CALN1: variants seen among roughly 807,000 people sequenced by gnomAD.
CALN1 encodes calcium-binding protein 8.
A neutral mutation model predicts 30.6 loss-of-function variants in CALN1; 17 were observed. The observed-to-expected ratio is 0.56, with a 90% confidence interval of 0.38 to 0.83. CALN1 has a LOEUF of 0.83. CALN1 is among the 40% of genes least tolerant of loss of function. The probability of loss-of-function intolerance (pLI) is 0.00; values close to 1 mark genes in which losing one functional copy is unlikely to be tolerated. For synonymous variants in CALN1, 156 were observed against 131.4 expected (o/e 1.19, Z -1.28); for missense variants, 291 against 354.9 (o/e 0.82, Z 1.45).
intron 2 of CALN1, chr7:72,336,566 C>T (rs1446443824): frequency 2.6e-5 from 12 of 468,148 alleles, no homozygotes; most frequent in Admixed American, 6.4e-5. Flanking sequence ...GCGCTGTCTG[C>T]CAACCATCTG....
At chr7:72,121,764 AATG>A (rs1808408088) in intron 3 of CALN1, among the ~76,000 whole-genome samples, 1 of 148,498 alleles carries the variant, frequency 6.7e-6, no homozygotes, top group East Asian at 1.9e-4. Flanking sequence ...GTTTTATCAT[AATG>A]ATTATTATAA....
chr7:72,104,004 C>G (rs1460697918), intron 4 of CALN1: 1 of 152,496 alleles, frequency 6.6e-6, no homozygotes, highest in Non-Finnish European at 1.5e-5. Context: ...CCTTAGAATC[C>G]CCTTCCATCA....
intron 4 of CALN1, among the ~76,000 whole-genome samples, chr7:72,062,132 A>C (rs1326344220): frequency 1.3e-5 from 2 of 152,206 alleles, no homozygotes; most frequent in Non-Finnish European, 2.9e-5. Flanking sequence ...CAAAATGAAG[A>C]CATTTTCCAA....
chr7:71,808,800 G>A (rs1457748915), intron 6 of CALN1, among the ~76,000 whole-genome samples: 1 of 152,148 alleles, frequency 6.6e-6, no homozygotes, highest in Non-Finnish European at 1.5e-5. Flanking sequence ...TGAGCCCCAT[G>A]TGCTTTCATT....
intron 3 of CALN1, among the ~76,000 whole-genome samples, chr7:72,173,655 G>C (rs571839369): frequency 6.6e-6 from 1 of 152,214 alleles, no homozygotes; most frequent in African/African-American, 2.4e-5. Context: ...TTTTACAAAG[G>C]TGCTAAGGTA....
chr7:72,258,912 AAAG>A, intron 3 of CALN1, among the ~76,000 whole-genome samples: 1 of 68,326 alleles, frequency 1.5e-5, no homozygotes, highest in Non-Finnish European at 4.7e-5. Flanking sequence ...AAAAAAAAAG[AAAG>A]AAAGAAAGAA....
chr7:72,382,514 G>A (rs1804963747), intron 2 of CALN1, among the ~76,000 whole-genome samples: 1 of 152,142 alleles, frequency 6.6e-6, no homozygotes, highest in Non-Finnish European at 1.5e-5. Flanking sequence ...GGTTACATGG[G>A]TATATTGTGT....
chr7:71,978,640 T>TCA (rs1798229920), intron 5 of CALN1, among the ~76,000 whole-genome samples: 2 of 152,164 alleles, frequency 1.3e-5, no homozygotes, highest in South Asian at 4.1e-4. Context: ...CCAGGTGTTG[T>TCA]CACGAGACCT....
At chr7:71,932,880 T>C (rs1218874178) in intron 5 of CALN1, among the ~76,000 whole-genome samples, 1 of 151,938 alleles carries the variant, frequency 6.6e-6, no homozygotes, top group Non-Finnish European at 1.5e-5. Context: ...ATTTTTATTC[T>C]GATACGCTTC....
At chr7:72,490,523 A>G in the CALN1 span, among the ~76,000 whole-genome samples, 2 of 152,152 alleles carry the variant, frequency 1.3e-5, no homozygotes, top group South Asian at 2.1e-4. Context: ...AGTGTTTGAT[A>G]TGGTTTAGCT....
chr7:72,489,881 G>A, the CALN1 span, among the ~76,000 whole-genome samples: 1 of 152,136 alleles, frequency 6.6e-6, no homozygotes, highest in Non-Finnish European at 1.5e-5. Context: ...GTACCCCAAT[G>A]TCTTTCTCAT....
At chr7:72,153,594 G>A (rs1352346848) in intron 3 of CALN1, among the ~76,000 whole-genome samples, 1 of 152,014 alleles carries the variant, frequency 6.6e-6, no homozygotes, top group Non-Finnish European at 1.5e-5. Flanking sequence ...TGAAGCAGAA[G>A]GATCACTTGA....
intron 2 of CALN1, among the ~76,000 whole-genome samples, chr7:72,390,413 A>G (rs773308107): frequency 1.3e-5 from 2 of 152,174 alleles, no homozygotes; most frequent in Non-Finnish European, 2.9e-5. Context: ...CCTGGGTGAC[A>G]GTGCAAGACT....
At chr7:72,053,888 G>A (rs956895334) in intron 4 of CALN1, among the ~76,000 whole-genome samples, 1 of 150,624 alleles carries the variant, frequency 6.6e-6, no homozygotes, top group Non-Finnish European at 1.5e-5. Context: ...AACATACGAT[G>A]CTTAGTCTTC....
chr7:72,201,214 G>A (rs1047962790), intron 3 of CALN1, among the ~76,000 whole-genome samples: 1 of 152,158 alleles, frequency 6.6e-6, no homozygotes, highest in Non-Finnish European at 1.5e-5. Context: ...TTATAAGTAA[G>A]AACTAAATAT....
At chr7:72,248,372 TAC>T (rs1414087409) in intron 3 of CALN1, among the ~76,000 whole-genome samples, 1 of 152,186 alleles carries the variant, frequency 6.6e-6, no homozygotes, top group Non-Finnish European at 1.5e-5. Flanking sequence ...GGGCTGGGAT[TAC>T]AGTCATGAAC....
intron 3 of CALN1, among the ~76,000 whole-genome samples, chr7:72,161,519 T>G (rs1788107651): frequency 1.3e-5 from 2 of 152,226 alleles, no homozygotes; most frequent in African/African-American, 4.8e-5. Context: ...CTCAATTTGT[T>G]TACTTACAGC....
chr7:72,407,021 G>A lies in CALN1; in HGVS notation c.-73-3579C>T, dbSNP rs1484874727. 2.6e-5 allele frequency among the ~76,000 whole-genome samples: 4 copies of A among 152,264 alleles called. No individual in the cohort carries two copies. The East Asian group carries it at 5.8e-4, about 22-fold the overall frequency. On this transcript the variant is annotated intron_variant, in intron 1 of 6. Coordinates refer to ENST00000395275, the MANE Select transcript of CALN1 (RefSeq NM_031468.4). Reference sequence around the variant, plus strand: ...TCTTTCAGGGCTCAGACCAGTAGGAGGCACTCTTATCCACCCAAAAAGTGA... The same window carrying A: ...TCTTTCAGGGCTCAGACCAGTAGGAAGCACTCTTATCCACCCAAAAAGTGA...
At chr7:72,181,025 G>A (rs1165187249) in intron 3 of CALN1, among the ~76,000 whole-genome samples, 1 of 150,590 alleles carries the variant, frequency 6.6e-6, no homozygotes, top group African/African-American at 2.4e-5. Flanking sequence ...TTGAATCTGG[G>A]AGGCGGAAGT....
Sources: allele counts gnomAD v4.1 joint callset (sites outside exome capture counted in the v4.1 genomes callset), GRCh38; gene constraint gnomAD v4.1.1; transcripts MANE v1.5; gene names NCBI Gene and HGNC (gene_info 2026-07-23, HGNC 2026-07-21).